Variants in SCN10A observed in about 807,000 individuals in gnomAD.
SCN10A encodes the protein sodium channel protein type 10 subunit alpha.
A neutral mutation model predicts 170.7 loss-of-function variants in SCN10A; 162 were observed. That is an observed-to-expected ratio of 0.95 (90% confidence interval 0.84 to 1.08). The LOEUF (loss-of-function observed/expected upper bound fraction) is 1.08, where lower values mean the gene tolerates loss of function less well. Ranked by LOEUF, SCN10A falls within the 50% of genes least tolerant of loss-of-function variation. The pLI, the probability that SCN10A is intolerant of heterozygous loss-of-function variation, is 0.00. For synonymous variants in SCN10A, 985 were observed against 904.6 expected, an observed-to-expected ratio of 1.09 and a Z score of -1.59; for missense variants, 2,527 against 2,436.9, an observed-to-expected ratio of 1.04 and a Z score of -0.78.
chr3:38,814,198 A>C (rs1473190959), intron 1 of SCN10A, among the ~76,000 whole-genome samples: 2 of 152,206 alleles, frequency 1.3e-5, no homozygotes, highest in Non-Finnish European at 1.5e-5. Flanking sequence ...TTGGGCAGAA[A>C]GTGATTGTGC....
rs745578485 is a variant in SCN10A at position 38,697,763 on chromosome 3, A to C, written c.5457T>G (p.Asp1819Glu). ...TCTCCTCCATATTTGCCTTCAGAGA[A>C]TCCAACTCCCCGGATTCTCCTAGGA... ...KNVLGESGEL[D>E]SLKANMEEKF... Residue 1819 changes from aspartate (D) to glutamate (E), a missense_variant, in exon 28 of 28, where the codon GAT (aspartate) becomes GAG (glutamate). Transcript: ENST00000449082. The C allele has an allele frequency of 1.2e-6, 2 of 1,614,144 alleles. No individual in the cohort carries two copies. Among genetic ancestry groups the C allele is most frequent in the South Asian group, 2.2e-5 (2 of 91,076 alleles).
rs193251921 is a variant in SCN10A, at chr3:38,799,342, C to T, written c.-32-5300G>A. Among the ~76,000 whole-genome samples the T allele has an allele frequency of 1.6e-3, 239 of 152,284 alleles. 1 individual carries two copies. The highest frequency in any genetic ancestry group is 5.6e-3 in the African/African-American group (234 of 41,550). ...CAGTTATAGGGGTATTGGCTCAGAG[C>T]CTTCAGAGAGGACTGTCTAACCTTG... is the stretch of plus-strand genomic sequence containing the variant. On this transcript the variant is annotated intron_variant, in intron 1 of 27. Transcript: ENST00000449082.
At chr3:38,813,314 A>G (rs908326455) in intron 1 of SCN10A, among the ~76,000 whole-genome samples, 5 of 152,128 alleles carry the variant, frequency 3.3e-5, no homozygotes, top group Admixed American at 1.3e-4. Flanking sequence ...GTCACCTCAC[A>G]TTGTGGGCAG....
intron 13 of SCN10A, among the ~76,000 whole-genome samples, chr3:38,743,920 G>A (rs765958206): frequency 3.3e-5 from 5 of 152,074 alleles, no homozygotes; most frequent in Admixed American, 6.5e-5. Flanking sequence ...ATCTCCATGT[G>A]GATGTGTAAC....
chr3:38,712,080 T>C, intron 23 of SCN10A, 81 bp downstream of exon 23: 2 of 1,410,150 alleles, frequency 1.4e-6, no homozygotes, highest in Non-Finnish European at 2.0e-6. Flanking sequence ...AGTCCCCACA[T>C]AGCATCTTCT....
chr3:38,759,764 T>C (rs2063848118), intron 8 of SCN10A, among the ~76,000 whole-genome samples: 1 of 152,226 alleles, frequency 6.6e-6, no homozygotes, highest in Admixed American at 6.5e-5. Flanking sequence ...TGAACCCACA[T>C]TTCCACATGG....
chr3:38,753,976 A>G (rs1394135205), intron 11 of SCN10A, among the ~76,000 whole-genome samples: 3 of 152,222 alleles, frequency 2.0e-5, no homozygotes, highest in African/African-American at 7.2e-5. Context: ...ATGGCTTTAG[A>G]TAAAAACTGC....
At chr3:38,704,299 G>A (rs2063186833) in intron 26 of SCN10A, among the ~76,000 whole-genome samples, 2 of 152,232 alleles carry the variant, frequency 1.3e-5, no homozygotes, top group South Asian at 2.1e-4. Flanking sequence ...TCCTGGGGCA[G>A]GAGGGGGATT....
At chr3:38,739,747 A>C (rs2063611299) in intron 14 of SCN10A, 59 bp from the exon 15 acceptor site, 1 of 1,346,280 alleles carries the variant, frequency 7.4e-7, no homozygotes. Flanking sequence ...GGCAATGATA[A>C]AAATGGCAGC....
chr3:38,728,447 T>C, intron 16 of SCN10A, 95 bp downstream of exon 16: 2 of 1,337,072 alleles, frequency 1.5e-6, no homozygotes, highest in Non-Finnish European at 2.0e-6. Context: ...AAGTACAATC[T>C]GGGCATAAAA....
At chr3:38,800,164 A>G (rs540992904) in intron 1 of SCN10A, among the ~76,000 whole-genome samples, 4 of 152,236 alleles carry the variant, frequency 2.6e-5, no homozygotes, top group African/African-American at 7.2e-5. Flanking sequence ...AGCTCCTACA[A>G]CAGACATTGA....
chr3:38,739,733 C>T lies in SCN10A; in HGVS notation c.2107-45G>A, dbSNP rs544900253. The T allele has an allele frequency of 5.0e-5, 73 of 1,464,084 alleles. No homozygotes were observed. In the East Asian group the frequency reaches 8.6e-4, roughly 17 times the overall value. The allele number at this position is 1,464,084 out of a possible 1,614,324, so 90.7% of individuals were successfully genotyped here. A position where few individuals can be genotyped will look rare whatever the true frequency, so the allele number is the denominator to read the frequency against. On this transcript the variant is annotated intron_variant, in intron 14 of 27. Transcript: ENST00000449082. The stretch of plus-strand genomic sequence containing the variant: ...TTCATCACAGTGGGATCTGTGGGGT[C>T]GGAGGCAATGATAAAAATGGCAGCA...
At chr3:38,699,368 G>C (rs764945437) in intron 27 of SCN10A, among the ~76,000 whole-genome samples, 2 of 152,064 alleles carry the variant, frequency 1.3e-5, no homozygotes, top group Non-Finnish European at 2.9e-5. Context: ...GAAGATGTTT[G>C]ATTTTTGGTC....
At chr3:38,798,294 C>T (rs1421964865) in intron 1 of SCN10A, among the ~76,000 whole-genome samples, 1 of 152,066 alleles carries the variant, frequency 6.6e-6, no homozygotes, top group East Asian at 1.9e-4. Flanking sequence ...TGACGGTTGT[C>T]CTGGGATTTT....
intron 26 of SCN10A, among the ~76,000 whole-genome samples, chr3:38,705,414 C>T (rs1032568920): frequency 6.6e-6 from 1 of 152,132 alleles, no homozygotes; most frequent in Non-Finnish European, 1.5e-5. Context: ...GAGGTCTCCC[C>T]CTGTGCCATC....
At chr3:38,727,846 G>C (rs952838991) in intron 16 of SCN10A, among the ~76,000 whole-genome samples, 1 of 152,168 alleles carries the variant, frequency 6.6e-6, no homozygotes, top group Admixed American at 6.5e-5. Context: ...AGGGCAGGGG[G>C]CCAGGCTGGG....
intron 5 of SCN10A, among the ~76,000 whole-genome samples, chr3:38,769,015 G>A (rs994573682): frequency 4.6e-5 from 7 of 152,058 alleles, no homozygotes; most frequent in African/African-American, 1.4e-4. Flanking sequence ...GAGCTCTGAA[G>A]TTCTTTCTTC....
rs1245340133 is a variant in SCN10A at position 38,723,558 on chromosome 3, A to G, written c.3229-5T>C. The G allele has an allele frequency of 6.3e-7, 1 of 1,581,686 alleles. No individual in the cohort carries two copies. Among genetic ancestry groups the G allele is most frequent in the South Asian group, 1.1e-5 (1 of 87,800 alleles). On this transcript the variant is annotated splice_polypyrimidine_tract_variant and splice_region_variant and intron_variant, in intron 18 of 27. Coordinates refer to ENST00000449082, the MANE Select transcript of SCN10A (RefSeq NM_006514.4). ...GGAGCTTGTGTCGTCCACTCCCTGC[A>G]GGGGAGAAGCCCAGGGCAGTGAACT...
intron 3 of SCN10A, among the ~76,000 whole-genome samples, chr3:38,789,995 T>A (rs988062906): frequency 6.6e-6 from 1 of 152,186 alleles, no homozygotes; most frequent in Non-Finnish European, 1.5e-5. Context: ...TAAATGTATT[T>A]TAGTTTTCTG....
Sources: gnomAD v4.1 joint callset for allele counts (sites outside exome capture counted in the v4.1 genomes callset) on GRCh38, gnomAD v4.1.1 for gene constraint, MANE v1.5 for transcripts, NCBI Gene and HGNC (gene_info 2026-07-23, HGNC 2026-07-21) for gene names.